The following BAIAP2 variants were observed in gnomAD, a reference collection of about 807,000 sequenced individuals.
BAIAP2 encodes BAR/IMD domain containing adaptor protein 2.
In BAIAP2, 18 loss-of-function variants were observed where a neutral mutation model predicts 63.0. That is an observed-to-expected ratio of 0.29 (90% CI 0.20 to 0.42). BAIAP2 has a LOEUF of 0.42. Among genes scored for constraint, BAIAP2 ranks in the 10% least tolerant of loss-of-function variants. BAIAP2 has a pLI of 1.00. For synonymous variants in BAIAP2, 386 were observed against 307.6 expected, an observed-to-expected ratio of 1.25 and a Z score of -2.67; for missense variants, 610 against 734.3, an observed-to-expected ratio of 0.83 and a Z score of 1.96.
intron 6 of BAIAP2, among the ~76,000 whole-genome samples, chr17:81,099,354 C>T (rs1414335977): frequency 6.6e-6 from 1 of 152,162 alleles, no homozygotes; most frequent in Admixed American, 6.5e-5. Flanking sequence ...CGCCCGGAGT[C>T]CCCTCTGCAG....
chr17:81,047,195 A>G (rs922765253), intron 1 of BAIAP2, among the ~76,000 whole-genome samples: 2 of 152,176 alleles, frequency 1.3e-5, no homozygotes, highest in Admixed American at 1.3e-4. Context: ...GTGCAACACC[A>G]GGACCAATTG....
intron 3 of BAIAP2, among the ~76,000 whole-genome samples, chr17:81,079,606 G>A (rs1361124658): frequency 6.6e-6 from 1 of 152,072 alleles, no homozygotes; most frequent in African/African-American, 2.4e-5. Context: ...CATCAGCCTG[G>A]GTGCAACGCT....
chr17:81,050,473 C>T (rs981014192), intron 1 of BAIAP2, among the ~76,000 whole-genome samples: 12 of 152,328 alleles, frequency 7.9e-5, no homozygotes, highest in East Asian at 5.8e-4. Context: ...GCTGACCCGC[C>T]GTGGTTGGCC....
In BAIAP2 at chr17:81,046,688, C is replaced by G. The variant is rs954211872; in HGVS notation, c.55-6980C>G. On this transcript the variant is annotated intron_variant, in intron 1 of 13. Coordinates refer to ENST00000428708, the MANE Select transcript of BAIAP2 (RefSeq NM_001144888.2). The surrounding 1 kb of genome is among the most constrained non-coding windows in gnomAD (Gnocchi z 4.5). ...CAGCAAGCTCTGAGGTGTCCTCCCG[C>G]GAGGACACTGTCCACTGCTGCAGGG... Among the ~76,000 whole-genome samples the G allele has an allele frequency of 1.3e-5, 2 of 152,164 alleles. No individual in the cohort carries two copies. The highest frequency in any genetic ancestry group is 1.3e-4 in the Admixed American group (2 of 15,282).
intron 1 of BAIAP2, among the ~76,000 whole-genome samples, chr17:81,043,018 C>T (rs1221355881): frequency 6.6e-6 from 1 of 152,128 alleles, no homozygotes; most frequent in Admixed American, 6.5e-5. Context: ...CAGGTGTGCG[C>T]CACCACACTG....
Position 81,106,826 on chromosome 17 carries a change from C to T in BAIAP2, c.1419C>T (p.Ala473=), listed in dbSNP as rs774825077. ...DLAIPPPDYG[A]ASRAFPAQTA... ...CCATCCCACCCCCCGATTACGGCGCCGCCTCCCGGGCCTTCCCCGCCCAGA... is the reference window on the plus strand; with the variant it reads ...CCATCCCACCCCCCGATTACGGCGCTGCCTCCCGGGCCTTCCCCGCCCAGA... The change falls in exon 12 of 14, where the codon GCC becomes GCT. Residue 473 remains alanine (A), a synonymous_variant. Coordinates refer to ENST00000428708, the MANE Select transcript of BAIAP2 (RefSeq NM_001144888.2). The T allele has an allele frequency of 2.0e-5, 33 of 1,611,842 alleles. No individual in the cohort carries two copies. The highest frequency in any genetic ancestry group is 9.9e-5 in the South Asian group (9 of 90,992).
chr17:81,039,477 C>T (rs952124391), intron 1 of BAIAP2, among the ~76,000 whole-genome samples: 6 of 152,182 alleles, frequency 3.9e-5, no homozygotes, highest in East Asian at 1.9e-4. Flanking sequence ...TGGGATGTGG[C>T]GCTTGTGGAG....
chr17:81,061,180 C>T (rs2050486064), intron 3 of BAIAP2, among the ~76,000 whole-genome samples: 1 of 152,200 alleles, frequency 6.6e-6, no homozygotes, highest in Non-Finnish European at 1.5e-5. Context: ...GTGGACTTAG[C>T]CTTTTTATGC....
rs564480051 is a variant in BAIAP2, at chr17:81,067,455, C to T, written c.217+9488C>T. 2.0e-5 allele frequency among the ~76,000 whole-genome samples: 3 copies of T among 152,350 alleles called. No individual in the cohort carries two copies. In the South Asian group the frequency reaches 6.2e-4, roughly 32 times the overall value. ...TGGCTGTGGCTGGGGATGGCCCAGCCCTGCCCGCCTGCCAACAGCTTTGCG... is the reference window on the plus strand; with the variant it reads ...TGGCTGTGGCTGGGGATGGCCCAGCTCTGCCCGCCTGCCAACAGCTTTGCG... On this transcript the variant is annotated intron_variant, in intron 3 of 13. Coordinates refer to ENST00000428708, the MANE Select transcript of BAIAP2 (RefSeq NM_001144888.2).
chr17:81,063,015 G>T (rs2050852437), intron 3 of BAIAP2, among the ~76,000 whole-genome samples: 1 of 151,710 alleles, frequency 6.6e-6, no homozygotes, highest in African/African-American at 2.4e-5. Flanking sequence ...GTCCTGAGAG[G>T]CTTGTGAACA....
chr17:81,116,373 C>T lies in BAIAP2; in HGVS notation c.*534C>T, dbSNP rs1441659864. 5.7e-6 allele frequency: 9 copies of T among 1,583,924 alleles called. No individual in the cohort carries two copies. Among genetic ancestry groups the T allele is most frequent in the East Asian group, 2.3e-5 (1 of 44,056 alleles). The stretch of plus-strand genomic sequence containing the variant: ...ACCTGGAGTGTGGGGCCTGGTCCCT[C>T]CCCATGCCCCTCGGTGGGGCTCTCC... On this transcript the variant is annotated 3_prime_UTR_variant, in exon 14 of 14. Coordinates refer to ENST00000428708, the MANE Select transcript of BAIAP2 (RefSeq NM_001144888.2).
intron 2 of BAIAP2, chr17:81,057,648 GGTACGTTGT>G (rs2049815723): frequency 7.6e-7 from 1 of 1,324,362 alleles, no homozygotes; most frequent in Non-Finnish European, 9.6e-7. Flanking sequence ...GACCTGAACT[GGTACGTTGT>G]GTTCTTACGA....
In BAIAP2 at chr17:81,085,645, C is replaced by A; in HGVS notation, c.280-9C>A. ...GCTGACGGCTGATGTGTTTTCTCTCCATGTCCAGCTGAAGTCTTTTCACAA... is the reference window on the plus strand; with the variant it reads ...GCTGACGGCTGATGTGTTTTCTCTCAATGTCCAGCTGAAGTCTTTTCACAA... On this transcript the variant is annotated splice_polypyrimidine_tract_variant and intron_variant, in intron 4 of 13. Transcript: ENST00000428708. The A allele has an allele frequency of 6.2e-7, 1 of 1,612,790 alleles. No individual in the cohort carries two copies. Among genetic ancestry groups the A allele is most frequent in the South Asian group, 1.1e-5 (1 of 91,068 alleles).
intron 13 of BAIAP2, among the ~76,000 whole-genome samples, chr17:81,114,948 C>T (rs2060348281): frequency 6.6e-6 from 1 of 152,220 alleles, no homozygotes; most frequent in South Asian, 2.1e-4. Flanking sequence ...GTCCCTGCTG[C>T]GTCTTCATGT....
At chr17:81,085,277 G>A in intron 4 of BAIAP2, 1 of 501,270 alleles carries the variant, frequency 2.0e-6, no homozygotes, top group Non-Finnish European at 3.7e-6. Context: ...CGGCTGGTTT[G>A]CAGCATCCTG....
chr17:81,069,704 C>T lies in BAIAP2; in HGVS notation c.217+11737C>T, dbSNP rs1403967587. On this transcript the variant is annotated intron_variant, in intron 3 of 13. Transcript: ENST00000428708. ...CTCTGCCCACTCGGGGGACTCTCCC[C>T]CGCCAGGACTGTCCACTCACGAGCT... Among the ~76,000 whole-genome samples the T allele has an allele frequency of 2.6e-5, 4 of 152,332 alleles. No individual in the cohort carries two copies. The East Asian group carries it at 7.7e-4, about 29-fold the overall frequency.
At chr17:81,090,117 C>T (rs2145464714) in intron 6 of BAIAP2, among the ~76,000 whole-genome samples, 1 of 152,250 alleles carries the variant, frequency 6.6e-6, no homozygotes, top group Non-Finnish European at 1.5e-5. Flanking sequence ...GGACTGTCCC[C>T]ACCTGGGCAC....
chr17:81,105,917 G>A (rs907199409), intron 10 of BAIAP2, 161 bp from the exon 11 acceptor site: 14 of 619,578 alleles, frequency 2.3e-5, no homozygotes, highest in South Asian at 1.1e-4. Context: ...CAGTGGGAGC[G>A]GGCTGCGGTC....
At chr17:81,109,010 C>T in intron 13 of BAIAP2, 2 of 1,545,488 alleles carry the variant, frequency 1.3e-6, no homozygotes, top group South Asian at 1.2e-5. Flanking sequence ...GACGCTGACC[C>T]CGGGCAGCCG....
Sources: gnomAD v4.1 joint callset for allele counts (sites outside exome capture counted in the v4.1 genomes callset) on GRCh38, gnomAD v4.1.1 for gene constraint, Gnocchi (gnomAD v3.1) non-coding constraint, MANE v1.5 for transcripts, NCBI Gene and HGNC (gene_info 2026-07-23, HGNC 2026-07-21) for gene names.